The following TUBB8 variants were observed in gnomAD, a reference collection of about 807,000 sequenced individuals.
TUBB8 encodes the protein tubulin beta 8 class VIII.
Under a neutral mutation model 33.7 loss-of-function variants are expected in TUBB8, and 25 were observed. The observed-to-expected ratio is 0.74, with a 90% confidence interval of 0.54 to 1.04. The LOEUF is 1.04. Ranked by LOEUF, TUBB8 falls within the 50% of genes least tolerant of loss-of-function variation. The pLI is 0.00. For missense variants in TUBB8, 279 were observed against 608.0 expected (o/e 0.46, Z 5.69); for synonymous variants, 245 against 240.1 (o/e 1.02, Z -0.19).
intron 3 of TUBB8, 77 bp downstream of exon 3, chr10:48,538 G>A (rs1834404026): frequency 7.2e-6 from 10 of 1,393,076 alleles, no homozygotes; most frequent in Non-Finnish European, 1.0e-5. Context: ...AGTTCCCAGA[G>A]GATGACCTTA....
chr10:49,309 C>T (rs797035342), upstream of TUBB8: 13 of 1,495,342 alleles, frequency 8.7e-6, no homozygotes, highest in African/African-American at 1.4e-5. Context: ...CCCAGCCCGC[C>T]CTCCGCCAAC....
At chr10:55,450 T>C (rs1178906259) in intron 1 of TUBB8, among the ~76,000 whole-genome samples, 1 of 152,242 alleles carries the variant, frequency 6.6e-6, no homozygotes, top group Non-Finnish European at 1.5e-5. Context: ...GGGTTTTCTC[T>C]TCACTTTGTT....
At chr10:76,306 G>T (rs1834813803), upstream of TUBB8, among the ~76,000 whole-genome samples, 1 of 152,026 alleles carries the variant, frequency 6.6e-6, no homozygotes, top group South Asian at 2.1e-4. Flanking sequence ...AAACAAAATC[G>T]CATCGGTAAC....
At chr10:69,673 C>A (rs1313234945) in intron 1 of TUBB8, among the ~76,000 whole-genome samples, 1 of 142,284 alleles carries the variant, frequency 7.0e-6, no homozygotes, top group African/African-American at 2.6e-5. Context: ...GCTTGTAATC[C>A]CAGCACTTTG....
chr10:75,000 G>C (rs1302976412), upstream of TUBB8, among the ~76,000 whole-genome samples: 1 of 150,180 alleles, frequency 6.7e-6, no homozygotes, highest in Non-Finnish European at 1.5e-5. Context: ...TCAGCCTCCC[G>C]AGTAGCTGGG....
At chr10:70,943 C>G (rs1834728345) in intron 1 of TUBB8, among the ~76,000 whole-genome samples, 1 of 152,126 alleles carries the variant, frequency 6.6e-6, no homozygotes. Flanking sequence ...AAAATGGACT[C>G]TAAAATAAGG....
At chr10:58,823 C>G (rs1554740498) in intron 1 of TUBB8, among the ~76,000 whole-genome samples, 1 of 152,196 alleles carries the variant, frequency 6.6e-6, no homozygotes, top group African/African-American at 2.4e-5. Context: ...CAAACCCTAT[C>G]AGAGGAGTCT....
chr10:69,539 C>T (rs1479999797), intron 1 of TUBB8, among the ~76,000 whole-genome samples: 2 of 152,116 alleles, frequency 1.3e-5, no homozygotes, highest in African/African-American at 4.8e-5. Context: ...TTTAATGGAA[C>T]CAAAGTCCAT....
chr10:63,904 G>C (rs1426196617), intron 1 of TUBB8, among the ~76,000 whole-genome samples: 1 of 152,122 alleles, frequency 6.6e-6, no homozygotes, highest in Admixed American at 6.5e-5. Context: ...AGTCTTCACA[G>C]TCTGGGCTTG....
intron 1 of TUBB8, 39 bp downstream of exon 1, chr10:49,143 G>A: frequency 7.8e-6 from 12 of 1,546,846 alleles, no homozygotes; most frequent in Admixed American, 2.0e-5. Context: ...CGGCCACCCG[G>A]CAGGCCCGGG....
At chr10:63,745 T>G (rs1834631714) in intron 1 of TUBB8, among the ~76,000 whole-genome samples, 2 of 152,244 alleles carry the variant, frequency 1.3e-5, no homozygotes, top group Non-Finnish European at 1.5e-5. Flanking sequence ...TTGGATTTCC[T>G]GTATGAAAGG....
upstream of TUBB8, among the ~76,000 whole-genome samples, chr10:52,606 C>T (rs370306776): frequency 2.0e-5 from 3 of 152,184 alleles, no homozygotes; most frequent in Admixed American, 6.5e-5. Context: ...CGGGGCTATT[C>T]GTTTTAACAA....
chr10:62,332 C>T (rs1416581100), intron 1 of TUBB8, among the ~76,000 whole-genome samples: 17 of 152,338 alleles, frequency 1.1e-4, no homozygotes, highest in Middle Eastern at 3.4e-3. Flanking sequence ...AGACTGTGGA[C>T]AATTTAACAT....
chr10:70,155 T>C lies in TUBB8; in HGVS notation c.-846+3814A>G, dbSNP rs374737903. On this transcript the variant is annotated intron_variant, in intron 1 of 3. Transcript: ENST00000564130. ...AAGGTGTTGTGTTAGACAGGAATTA[T>C]TTTAAAATAATTAAAGCTTGTCATT... Among the ~76,000 whole-genome samples the C allele has an allele frequency of 4.3e-4, 65 of 152,340 alleles. No homozygotes were observed. The South Asian group carries it at 8.3e-3, about 19-fold the overall frequency.
chr10:54,593 T>C (rs1298063113), intron 1 of TUBB8, among the ~76,000 whole-genome samples: 1 of 152,250 alleles, frequency 6.6e-6, no homozygotes, highest in African/African-American at 2.4e-5. Context: ...GTGGAGCACC[T>C]TTTTATTTGC....
At chr10:74,403 G>GAT (rs1362347126), upstream of TUBB8, among the ~76,000 whole-genome samples, 3 of 151,140 alleles carry the variant, frequency 2.0e-5, no homozygotes, top group Non-Finnish European at 4.4e-5. Context: ...GAGTCGGGCG[G>GAT]ATCACTCGAG....
intron 1 of TUBB8, among the ~76,000 whole-genome samples, chr10:54,549 G>C (rs1271339161): frequency 5.9e-5 from 9 of 151,976 alleles, no homozygotes; most frequent in Non-Finnish European, 1.2e-4. Flanking sequence ...ATCTCATTTT[G>C]GGTTTGATTT....
intron 1 of TUBB8, among the ~76,000 whole-genome samples, chr10:72,246 T>G (rs1554742421): frequency 7.0e-6 from 1 of 142,414 alleles, no homozygotes; most frequent in African/African-American, 2.5e-5. Flanking sequence ...CAAAAAAATT[T>G]TTTTAATTAA....
chr10:66,047 C>A (rs1465296674), intron 1 of TUBB8, among the ~76,000 whole-genome samples: 1 of 152,184 alleles, frequency 6.6e-6, no homozygotes, highest in Non-Finnish European at 1.5e-5. Flanking sequence ...ATTGTCAGGG[C>A]CCAGTGCTTT....
Sources: gnomAD v4.1 joint callset for allele counts (sites outside exome capture counted in the v4.1 genomes callset) on GRCh38, gnomAD v4.1.1 for gene constraint, MANE v1.5 for transcripts, NCBI Gene and HGNC (gene_info 2026-07-23, HGNC 2026-07-21) for gene names.